The following SYCP1 variants were observed in gnomAD, a reference collection of about 807,000 sequenced individuals.
The protein encoded by SYCP1 is synaptonemal complex protein 1.
In SYCP1, 64 loss-of-function variants were observed where a neutral mutation model predicts 153.1. The ratio of observed to expected loss-of-function variants is 0.42; its 90% CI spans 0.34 to 0.51. The LOEUF is 0.51. Among genes scored for constraint, SYCP1 ranks in the 20% least tolerant of loss-of-function variants. SYCP1 has a pLI of 0.06. For synonymous variants in SYCP1, 384 were observed against 341.8 expected, an observed-to-expected ratio of 1.12 and a Z score of -1.36; for missense variants, 997 against 1,049.0, an observed-to-expected ratio of 0.95 and a Z score of 0.68.
chr1:114,865,779 C>T (rs1010644256), intron 8 of SYCP1, among the ~76,000 whole-genome samples: 6 of 151,924 alleles, frequency 3.9e-5, no homozygotes, highest in South Asian at 2.1e-4. Context: ...CAAATATGTC[C>T]GCCATTATAG....
rs139118059 is a variant in SYCP1 at position 114,904,869 on chromosome 1, T to C, written c.1321-5528T>C. ...TTTGTAGAAAGTTCTCTTGTATTTC[T>C]AGTTCACTGAAAGTTTATATTATGA... is the stretch of plus-strand genomic sequence containing the variant. On this transcript the variant is annotated intron_variant, in intron 16 of 31. Coordinates refer to ENST00000369522, the MANE Select transcript of SYCP1 (RefSeq NM_003176.4). Among the ~76,000 whole-genome samples the C allele has an allele frequency of 2.8e-4, 42 of 152,370 alleles. No homozygotes were observed. In the East Asian group the frequency reaches 7.5e-3, roughly 27 times the overall value.
At chr1:114,954,811 C>A (rs1405946776) in intron 27 of SYCP1, among the ~76,000 whole-genome samples, 2 of 152,072 alleles carry the variant, frequency 1.3e-5, no homozygotes, top group African/African-American at 2.4e-5. Context: ...AATCTCTTGA[C>A]CTCGCGATCC....
chr1:114,984,706 GT>G lies in SYCP1; in HGVS notation c.2560-13del. 1 of 1,347,500 alleles carries G rather than the reference GT, an allele frequency of 7.4e-7. No individual in the cohort carries two copies. 83.5% of individuals were successfully genotyped at this position (1,347,500 alleles called of 1,614,324 possible). On this transcript the variant is annotated intron_variant, in intron 29 of 31. Transcript: ENST00000369522. ...ATTTTATTTGATATGATAATGTATG[GT>G]TTTTTATTTTTGGATAGGCATATAC...
chr1:114,860,723 T>C lies in SYCP1; in HGVS notation c.525-13T>C. ...TCAGATTACACACAGGCAAACTCTT[T>C]CCTTTGTTTCAGGAATAATGCCACA... is the stretch of plus-strand genomic sequence containing the variant. On this transcript the variant is annotated splice_polypyrimidine_tract_variant and intron_variant, in intron 7 of 31. Transcript: ENST00000369522. 1 of 1,585,860 alleles carries C rather than the reference T, an allele frequency of 6.3e-7. No individual in the cohort carries two copies. Among genetic ancestry groups the C allele is most frequent in the Non-Finnish European group, 8.6e-7 (1 of 1,167,232 alleles).
In SYCP1 at chr1:114,873,254, G is replaced by A. The variant is rs1665280213; in HGVS notation, c.599-1252G>A. Among the ~76,000 whole-genome samples the A allele has an allele frequency of 2.0e-5, 3 of 152,258 alleles. No individual in the cohort carries two copies. The South Asian group carries it at 6.2e-4, about 32-fold the overall frequency. ...GCTACACATGATGTACTGGGTAAAG[G>A]AATTGTTGTAATGTGCTGGTAAAGT... On this transcript the variant is annotated intron_variant, in intron 8 of 31. Coordinates refer to ENST00000369522, the MANE Select transcript of SYCP1 (RefSeq NM_003176.4).
chr1:114,950,836 G>A (rs548218179), intron 27 of SYCP1, among the ~76,000 whole-genome samples: 1,207 of 87,448 alleles, frequency 0.014, 14 homozygotes, highest in South Asian at 0.028. Flanking sequence ...TTTTTTTTTT[G>A]AGACAGAGTC....
Position 114,887,616 on chromosome 1 carries a change from A to G in SYCP1, c.1191-10A>G. The G allele has an allele frequency of 6.6e-7, 1 of 1,514,954 alleles. No individual in the cohort carries two copies. Among genetic ancestry groups the G allele is most frequent in the South Asian group, 1.3e-5 (1 of 79,670 alleles). The allele number at this position is 1,514,954 out of a possible 1,614,324, so 93.8% of individuals were successfully genotyped here. A position where few individuals can be genotyped will look rare whatever the true frequency, so the allele number is the denominator to read the frequency against. On this transcript the variant is annotated splice_polypyrimidine_tract_variant and intron_variant, in intron 14 of 31. Coordinates refer to ENST00000369522, the MANE Select transcript of SYCP1 (RefSeq NM_003176.4). ...TAATATTTTGTATTGAAAATGATAT[A>G]TTTTACAAGATTGGAAAAAAATGAA...
At chr1:114,994,836 A>T in intron 31 of SYCP1, 46 bp from the exon 32 acceptor site, 3 of 1,574,172 alleles carry the variant, frequency 1.9e-6, no homozygotes, top group Non-Finnish European at 2.6e-6. Flanking sequence ...AGCTGCACTT[A>T]AAAAATTAAA....
intron 16 of SYCP1, among the ~76,000 whole-genome samples, chr1:114,908,998 TA>T (rs1419501876): frequency 3.3e-5 from 5 of 152,230 alleles, no homozygotes; most frequent in African/African-American, 1.2e-4. Flanking sequence ...ATCAGTTTGC[TA>T]GATTCAAAAA....
chr1:114,872,604 G>A (rs112561319), intron 8 of SYCP1, among the ~76,000 whole-genome samples: 218 of 152,100 alleles, frequency 1.4e-3, no homozygotes, highest in Admixed American at 2.3e-3. Context: ...AGTCATTATT[G>A]TTACAAATAT....
At chr1:114,864,553 A>G (rs982268183) in intron 8 of SYCP1, among the ~76,000 whole-genome samples, 3 of 151,832 alleles carry the variant, frequency 2.0e-5, no homozygotes, top group African/African-American at 7.3e-5. Flanking sequence ...CAGTGGTTCC[A>G]TCTTGGCTCA....
chr1:114,977,708 A>T, intron 28 of SYCP1, 92 bp downstream of exon 28: 1 of 755,426 alleles, frequency 1.3e-6, no homozygotes, highest in Non-Finnish European at 2.1e-6. Context: ...TAGGAAAATA[A>T]CATTTTACAT....
At chr1:114,870,947 T>A (rs1665071537) in intron 8 of SYCP1, among the ~76,000 whole-genome samples, 1 of 152,194 alleles carries the variant, frequency 6.6e-6, no homozygotes, top group African/African-American at 2.4e-5. Flanking sequence ...TTTTTGTCTT[T>A]TACTCTTTTT....
Position 114,951,366 on chromosome 1 carries a change from C to T in SYCP1, c.2322+4046C>T, listed in dbSNP as rs1034566326. ...ACCTTTGAAAAAAATGCCATATTAG[C>T]TACTTTAAACTAAAATATACATATT... On this transcript the variant is annotated intron_variant, in intron 27 of 31. Transcript: ENST00000369522. Among the ~76,000 whole-genome samples, 3 of 151,910 alleles carry T rather than the reference C, an allele frequency of 2.0e-5. No homozygotes were observed. The East Asian group carries it at 5.8e-4, about 29-fold the overall frequency.
intron 27 of SYCP1, among the ~76,000 whole-genome samples, 168 bp from the exon 28 acceptor site, chr1:114,977,389 C>T (rs1672867713): frequency 6.6e-6 from 1 of 151,606 alleles, no homozygotes; most frequent in Non-Finnish European, 1.5e-5. Context: ...CCAAATAATA[C>T]CTCTGTAGAA....
At chr1:114,964,269 A>G (rs1296377555) in intron 27 of SYCP1, among the ~76,000 whole-genome samples, 1 of 152,128 alleles carries the variant, frequency 6.6e-6, no homozygotes, top group South Asian at 2.1e-4. Flanking sequence ...GATTCTGGAT[A>G]CTAGTCTTTT....
intron 27 of SYCP1, among the ~76,000 whole-genome samples, chr1:114,948,002 C>G (rs1205678620): frequency 6.6e-6 from 1 of 151,684 alleles, no homozygotes; most frequent in African/African-American, 2.4e-5. Context: ...TGGTGTGCTG[C>G]ACCCATTAAC....
At chr1:114,942,826 C>A (rs776120064) in intron 23 of SYCP1, among the ~76,000 whole-genome samples, 5 of 151,826 alleles carry the variant, frequency 3.3e-5, no homozygotes, top group Non-Finnish European at 7.4e-5. Flanking sequence ...TTGATACATT[C>A]ATATATACTA....
intron 27 of SYCP1, among the ~76,000 whole-genome samples, chr1:114,976,229 G>C (rs1187278870): frequency 6.6e-6 from 1 of 151,686 alleles, no homozygotes; most frequent in Non-Finnish European, 1.5e-5. Context: ...TTATTCAAAA[G>C]GCTATAGGCT....
Sources: allele counts gnomAD v4.1 joint callset (sites outside exome capture counted in the v4.1 genomes callset), GRCh38; gene constraint gnomAD v4.1.1; transcripts MANE v1.5; gene names NCBI Gene and HGNC (gene_info 2026-07-23, HGNC 2026-07-21).